Variants in MAST4 observed in about 807,000 individuals in gnomAD.
MAST4 encodes the protein microtubule-associated serine/threonine-protein kinase 4.
MAST4 carries 89 observed loss-of-function variants against 162.7 expected under a neutral mutation model. That is an observed-to-expected ratio of 0.55 (90% CI 0.46 to 0.65). The LOEUF is 0.65. MAST4 is among the 30% of genes least tolerant of loss of function. MAST4 has a pLI of 0.00. For synonymous variants in MAST4, 1,479 were observed against 1,361.1 expected (o/e 1.09, Z -1.91); for missense variants, 3,153 against 3,374.0 (o/e 0.93, Z 1.62).
At chr5:66,720,974 C>T (rs1167684717) in intron 1 of MAST4, among the ~76,000 whole-genome samples, 1 of 152,112 alleles carries the variant, frequency 6.6e-6, no homozygotes. Context: ...ACTCTCTCTT[C>T]CTGCTTGTTG....
At chr5:66,753,074 G>T (rs1753290186) in intron 1 of MAST4, among the ~76,000 whole-genome samples, 2 of 150,848 alleles carry the variant, frequency 1.3e-5, no homozygotes, top group South Asian at 4.2e-4. Flanking sequence ...CGAAATGAAG[G>T]CAGAAATAAA....
At chr5:66,782,589 C>T (rs1754928186) in intron 2 of MAST4, among the ~76,000 whole-genome samples, 1 of 152,192 alleles carries the variant, frequency 6.6e-6, no homozygotes, top group African/African-American at 2.4e-5. Context: ...TTATTTATTG[C>T]CTCTAAATTT....
At chr5:66,740,488 C>A (rs1369237921) in intron 1 of MAST4, among the ~76,000 whole-genome samples, 1 of 152,176 alleles carries the variant, frequency 6.6e-6, no homozygotes, top group Admixed American at 6.5e-5. Context: ...AAAGAAGGTC[C>A]ACGGAGTGCT....
intron 2 of MAST4, among the ~76,000 whole-genome samples, chr5:66,761,947 A>G (rs1753870660): frequency 6.6e-6 from 1 of 152,240 alleles, no homozygotes; most frequent in African/African-American, 2.4e-5. Flanking sequence ...CACTTAGGAA[A>G]TTTACTTACC....
chr5:67,151,197 A>G (rs568645615), intron 24 of MAST4, among the ~76,000 whole-genome samples: 2 of 152,386 alleles, frequency 1.3e-5, no homozygotes, highest in South Asian at 4.1e-4. Flanking sequence ...TTCTGCTGCT[A>G]TAACAAAATA....
chr5:67,071,511 G>A (rs1052223026), intron 5 of MAST4, among the ~76,000 whole-genome samples: 1 of 152,160 alleles, frequency 6.6e-6, no homozygotes, highest in African/African-American at 2.4e-5. Flanking sequence ...CCAGCACTTT[G>A]GAAGGCCAAG....
chr5:67,042,551 G>C (rs1333424689), intron 4 of MAST4, among the ~76,000 whole-genome samples: 1 of 151,554 alleles, frequency 6.6e-6, no homozygotes, highest in Non-Finnish European at 1.5e-5. Flanking sequence ...TTTTCACCAA[G>C]GTGGGCTATT....
chr5:66,966,548 G>A (rs1472805940), intron 4 of MAST4, among the ~76,000 whole-genome samples: 1 of 152,168 alleles, frequency 6.6e-6, no homozygotes, highest in Non-Finnish European at 1.5e-5. Flanking sequence ...TGGCCTTCAA[G>A]GATGCCTTGG....
intron 1 of MAST4, among the ~76,000 whole-genome samples, chr5:66,691,844 A>T (rs1749060947): frequency 6.6e-6 from 1 of 152,170 alleles, no homozygotes; most frequent in African/African-American, 2.4e-5. Flanking sequence ...ACAGACATTC[A>T]GTCTATTGTT....
At chr5:67,000,322 G>A (rs1256702468) in intron 4 of MAST4, among the ~76,000 whole-genome samples, 1 of 152,204 alleles carries the variant, frequency 6.6e-6, no homozygotes, top group Non-Finnish European at 1.5e-5. Flanking sequence ...TCCTGCACAG[G>A]GAGCTGACAG....
intron 3 of MAST4, among the ~76,000 whole-genome samples, chr5:66,832,036 C>T (rs962347942): frequency 6.6e-6 from 1 of 152,096 alleles, no homozygotes; most frequent in Non-Finnish European, 1.5e-5. Context: ...ATCCCTATCC[C>T]TAATGTGATA....
chr5:67,078,910 AAAT>A (rs1491289898), intron 5 of MAST4, among the ~76,000 whole-genome samples: 5 of 22,124 alleles, frequency 2.3e-4, no homozygotes, highest in African/African-American at 1.0e-3. Flanking sequence ...ATTTTTATAT[AAAT>A]ATATATATAT....
At chr5:67,105,409 T>C (rs1414172052) in intron 10 of MAST4, among the ~76,000 whole-genome samples, 1 of 152,210 alleles carries the variant, frequency 6.6e-6, no homozygotes, top group African/African-American at 2.4e-5. Context: ...TATCTATCCT[T>C]GCCCCTGCAG....
chr5:67,148,879 G>A (rs893951315), intron 23 of MAST4, among the ~76,000 whole-genome samples: 15 of 152,166 alleles, frequency 9.9e-5, no homozygotes, highest in Non-Finnish European at 5.9e-5. Flanking sequence ...CAGCACAGAC[G>A]TAAGTCTACA....
intron 1 of MAST4, among the ~76,000 whole-genome samples, chr5:66,656,308 C>T (rs1201728855): frequency 2.0e-5 from 3 of 152,212 alleles, no homozygotes; most frequent in African/African-American, 7.2e-5. Context: ...CATTATCTTC[C>T]ATAAAATTTG....
chr5:66,661,941 G>C (rs891877850), intron 1 of MAST4, among the ~76,000 whole-genome samples: 1 of 152,108 alleles, frequency 6.6e-6, no homozygotes, highest in African/African-American at 2.4e-5. Flanking sequence ...TCTGTTATAA[G>C]CTAATATACT....
At chr5:66,659,001 G>C (rs779485687) in intron 1 of MAST4, among the ~76,000 whole-genome samples, 1 of 152,114 alleles carries the variant, frequency 6.6e-6, no homozygotes, top group Non-Finnish European at 1.5e-5. Flanking sequence ...CAGCCTGAGC[G>C]ACAGAGCAAG....
At chr5:66,919,661 A>G (rs1418517194) in intron 4 of MAST4, among the ~76,000 whole-genome samples, 2 of 39,680 alleles carry the variant, frequency 5.0e-5, no homozygotes, top group Non-Finnish European at 1.1e-4. Flanking sequence ...TCCGTCACAG[A>G]AAAAAAAAAA....
At chr5:67,054,233 T>C (rs1004159650) in intron 4 of MAST4, among the ~76,000 whole-genome samples, 171 bp from the exon 5 acceptor site, 11 of 152,242 alleles carry the variant, frequency 7.2e-5, no homozygotes, top group Non-Finnish European at 1.0e-4. Context: ...TATTTTCTAA[T>C]ATTCAAGAGG....
Sources: allele counts gnomAD v4.1 joint callset (sites outside exome capture counted in the v4.1 genomes callset), GRCh38; gene constraint gnomAD v4.1.1; transcripts MANE v1.5; gene names NCBI Gene and HGNC (gene_info 2026-07-23, HGNC 2026-07-21).